The following LOXHD1 variants were observed in gnomAD, a reference collection of about 807,000 sequenced individuals.
The protein encoded by LOXHD1 is lipoxygenase homology PLAT domains 1.
Under a neutral mutation model 248.2 loss-of-function variants are expected in LOXHD1, and 205 were observed. That is an observed-to-expected ratio of 0.83 (90% confidence interval 0.74 to 0.93). The LOEUF is 0.93. LOXHD1 is among the 40% of genes least tolerant of loss of function. The pLI, the probability that LOXHD1 is intolerant of heterozygous loss-of-function variation, is 0.00. For synonymous variants in LOXHD1, 1,113 were observed against 1,162.8 expected, an observed-to-expected ratio of 0.96 and a Z score of 0.87; for missense variants, 2,930 against 2,971.6, an observed-to-expected ratio of 0.99 and a Z score of 0.33.
intron 33 of LOXHD1, among the ~76,000 whole-genome samples, chr18:46,519,405 G>A (rs151107724): frequency 2.6e-5 from 4 of 152,330 alleles, no homozygotes; most frequent in Admixed American, 2.6e-4. Flanking sequence ...TGTCCTGGTG[G>A]GGGTTGCATG....
At chr18:46,486,784 T>C (rs1268335162) in intron 38 of LOXHD1, among the ~76,000 whole-genome samples, 1 of 152,154 alleles carries the variant, frequency 6.6e-6, no homozygotes, top group East Asian at 1.9e-4. Context: ...GTTTCCTACA[T>C]GGATTGAAAT....
chr18:46,593,855 C>G, intron 9 of LOXHD1, 95 bp from the exon 10 acceptor site: 1 of 1,357,790 alleles, frequency 7.4e-7, no homozygotes, highest in Non-Finnish European at 1.0e-6. Context: ...ATGATCAGGA[C>G]TGAAGGGCGG....
intron 16 of LOXHD1, among the ~76,000 whole-genome samples, chr18:46,569,097 A>ATT (rs1555681307): frequency 6.6e-6 from 1 of 151,802 alleles, no homozygotes; most frequent in African/African-American, 2.4e-5. Flanking sequence ...CCCTGCGTTC[A>ATT]GTCTCCTTCT....
At chr18:46,572,392 G>A (rs968795300) in intron 14 of LOXHD1, among the ~76,000 whole-genome samples, 5 of 152,182 alleles carry the variant, frequency 3.3e-5, no homozygotes, top group Middle Eastern at 3.2e-3. Flanking sequence ...AACTCCTTGG[G>A]GAATGGGTAG....
chr18:46,556,544 G>A (rs1345215012), intron 21 of LOXHD1: 1 of 162,370 alleles, frequency 6.2e-6, no homozygotes, highest in African/African-American at 2.4e-5. Flanking sequence ...AACCTGCTCT[G>A]GTGGCCATGA....
intron 5 of LOXHD1, among the ~76,000 whole-genome samples, chr18:46,612,349 T>C (rs2038521103): frequency 6.6e-6 from 1 of 152,196 alleles, no homozygotes; most frequent in South Asian, 2.1e-4. Flanking sequence ...TTACCACCAG[T>C]AGTATATGAA....
intron 29 of LOXHD1, among the ~76,000 whole-genome samples, 192 bp downstream of exon 29, chr18:46,528,985 A>G (rs1270894066): frequency 6.6e-6 from 1 of 152,054 alleles, no homozygotes; most frequent in Non-Finnish European, 1.5e-5. Context: ...TGCAGGATCC[A>G]GGGTGGGTGC....
At chr18:46,637,327 C>T (rs953054202) in intron 4 of LOXHD1, among the ~76,000 whole-genome samples, 1 of 152,166 alleles carries the variant, frequency 6.6e-6, no homozygotes, top group Admixed American at 6.5e-5. Flanking sequence ...GGGTGTCTAC[C>T]CTGAGGATTC....
chr18:46,524,782 A>T lies in LOXHD1; in HGVS notation c.4666T>A (p.Phe1556Ile). The T allele has an allele frequency of 1.3e-6, 2 of 1,551,256 alleles. No individual in the cohort carries two copies. The highest frequency in any genetic ancestry group is 1.7e-6 in the Non-Finnish European group (2 of 1,146,874). Residue 1556 changes from phenylalanine to isoleucine, a missense_variant, in exon 30 of 41, where the codon TTC becomes ATC. Phe to Ile is a conservative substitution (Grantham distance 21, BLOSUM62 0). Transcript: ENST00000642948. ...AGCCAGCGCCCGCATAGGAACAGGA[A>T]CTCGTCCTCGTTGGTGTCATTCCAG... is the stretch of plus-strand genomic sequence containing the variant. ...EIWNDTNEDE[F>I]LFLCGRWLSL...
intron 38 of LOXHD1, among the ~76,000 whole-genome samples, chr18:46,488,294 C>T (rs2033212506): frequency 6.6e-6 from 1 of 152,236 alleles, no homozygotes; most frequent in African/African-American, 2.4e-5. Flanking sequence ...AACACACATA[C>T]TGGACTGGGT....
rs1169003694 is a variant in LOXHD1, at chr18:46,522,181, C to G, written c.5005G>C (p.Gly1669Arg). The G allele has an allele frequency of 1.2e-5, 19 of 1,551,626 alleles. No homozygotes were observed. The highest frequency in any genetic ancestry group is 1.7e-5 in the Non-Finnish European group (19 of 1,147,006). The change falls in exon 32 of 41, where the codon GGG (glycine) becomes CGG (arginine). Residue 1669 changes from glycine (G) to arginine (R), a missense_variant. Gly to Arg is a moderately radical substitution (Grantham distance 125). Coordinates refer to ENST00000642948, the MANE Select transcript of LOXHD1 (RefSeq NM_001384474.1). ...GAGCCACGGCTGAAGCCCCTCTTCC[C>G]TCGGGGGTAGTCCAACCAGATGCGC... ...SKRIWLDYPRGKRGFSRGSVE... is the reference protein window; with the variant it reads ...SKRIWLDYPRRKRGFSRGSVE...
At position 46,507,638 on chromosome 18, in the gene LOXHD1, G is replaced by T; in HGVS notation, c.5592C>A (p.Gly1864=). 1 of 1,551,732 alleles carries T rather than the reference G, an allele frequency of 6.4e-7. No individual in the cohort carries two copies. Among genetic ancestry groups the T allele is most frequent in the Non-Finnish European group, 8.7e-7 (1 of 1,146,994 alleles). Residue 1864 remains glycine (G), a synonymous_variant, in exon 36 of 41, where the codon GGC becomes GGA. Coordinates refer to ENST00000642948, the MANE Select transcript of LOXHD1 (RefSeq NM_001384474.1). ...ACATTTCACACACCAGGGTCTTCTT[G>T]CCCTTCCGCTGGGACAGCCAGTCTC... The part of the protein sequence containing the change: ...YYGDWLSQRK[G]KKTLVCEMCA...
intron 26 of LOXHD1, 139 bp downstream of exon 26, chr18:46,538,017 G>A (rs2036389410): frequency 8.3e-6 from 6 of 724,926 alleles, no homozygotes; most frequent in South Asian, 2.6e-5. Context: ...GGCCCAGGAA[G>A]GTAGGATGAG....
intron 33 of LOXHD1, chr18:46,518,990 T>C (rs2075779410): frequency 1.0e-6 from 1 of 985,384 alleles, no homozygotes. Context: ...CCAAAGAGAA[T>C]GTCTGCCCTC....
intron 26 of LOXHD1, among the ~76,000 whole-genome samples, chr18:46,537,553 C>T (rs1344082231): frequency 6.6e-6 from 1 of 152,150 alleles, no homozygotes; most frequent in African/African-American, 2.4e-5. Flanking sequence ...TAGTGCACAG[C>T]TGAGCACACA....
rs1000253113 is a variant in LOXHD1 at position 46,522,159 on chromosome 18, C to T, written c.5027G>A (p.Gly1676Asp). ...TGCGACGTAGAACTCCTCCACAGAG[C>T]CACGGCTGAAGCCCCTCTTCCCTCG... ...YPRGKRGFSR[G>D]SVEEFYVAGL... Residue 1676 changes from glycine to aspartate, a missense_variant, in exon 32 of 41, where the codon GGC becomes GAC. Physicochemically the swap from Gly to Asp is moderately conservative, Grantham distance 94. Coordinates refer to ENST00000642948, the MANE Select transcript of LOXHD1 (RefSeq NM_001384474.1). 4.5e-6 allele frequency: 7 copies of T among 1,551,670 alleles called. No homozygotes were observed. The Admixed American group carries it at 1.2e-4, about 26-fold the overall frequency.
chr18:46,557,552 C>G (rs2037394233), intron 20 of LOXHD1, 63 bp from the exon 21 acceptor site: 15 of 1,543,360 alleles, frequency 9.7e-6, no homozygotes, highest in Non-Finnish European at 1.3e-5. Flanking sequence ...GGCCATCAGC[C>G]CCATCCTCCC....
chr18:46,574,145 A>C (rs1284827962), intron 14 of LOXHD1, among the ~76,000 whole-genome samples: 10 of 152,000 alleles, frequency 6.6e-5, no homozygotes, highest in Non-Finnish European at 5.9e-5. Context: ...TGCTCCCTTC[A>C]TTCTCCACCA....
intron 21 of LOXHD1, among the ~76,000 whole-genome samples, chr18:46,553,694 G>C (rs1458809105): frequency 6.6e-6 from 1 of 152,162 alleles, no homozygotes; most frequent in Non-Finnish European, 1.5e-5. Context: ...TCTATTGTGG[G>C]GAGATGAGCA....
Sources: allele counts gnomAD v4.1 joint callset (sites outside exome capture counted in the v4.1 genomes callset), GRCh38; gene constraint gnomAD v4.1.1; transcripts MANE v1.5; gene names NCBI Gene and HGNC (gene_info 2026-07-23, HGNC 2026-07-21).